Variants in MAML2 observed in about 807,000 individuals in gnomAD.
The protein encoded by MAML2 is mastermind like transcriptional coactivator 2, also known as mastermind-like protein 2.
In MAML2, 22 loss-of-function variants were observed where a neutral mutation model predicts 96.1. The ratio of observed to expected loss-of-function variants is 0.23; its 90% CI spans 0.16 to 0.33. The LOEUF (loss-of-function observed/expected upper bound fraction) is 0.33. Among genes scored for constraint, MAML2 ranks in the 10% least tolerant of loss-of-function variants. The probability of loss-of-function intolerance (pLI) is 1.00; values close to 1 mark genes in which losing one functional copy is unlikely to be tolerated. For missense variants in MAML2, 1,367 were observed against 1,392.4 expected (o/e 0.98, Z 0.29); for synonymous variants, 561 against 521.3 (o/e 1.08, Z -1.04).
At chr11:96,034,149 G>A (rs1858662080) in intron 2 of MAML2, among the ~76,000 whole-genome samples, 1 of 152,230 alleles carries the variant, frequency 6.6e-6, no homozygotes, top group East Asian at 1.9e-4. Context: ...CATTTAATGA[G>A]GTTTTAGTTG....
intron 1 of MAML2, among the ~76,000 whole-genome samples, chr11:96,258,920 G>A (rs772062135): frequency 6.6e-6 from 1 of 152,116 alleles, no homozygotes; most frequent in African/African-American, 2.4e-5. Context: ...ACAGGAAGCT[G>A]TAGAAGGGAG....
At chr11:96,185,137 C>T (rs748006066) in intron 1 of MAML2, among the ~76,000 whole-genome samples, 4 of 149,774 alleles carry the variant, frequency 2.7e-5, no homozygotes, top group South Asian at 4.2e-4. Flanking sequence ...AATGGTCCAC[C>T]GAGGCTGAGC....
chr11:95,984,412 G>A (rs1218098068), intron 4 of MAML2, among the ~76,000 whole-genome samples: 1 of 152,130 alleles, frequency 6.6e-6, no homozygotes, highest in Non-Finnish European at 1.5e-5. Flanking sequence ...GCTCTGAGGC[G>A]AAGTAATCTT....
At chr11:96,144,214 A>G (rs1440709865) in intron 1 of MAML2, among the ~76,000 whole-genome samples, 3 of 152,226 alleles carry the variant, frequency 2.0e-5, no homozygotes, top group South Asian at 2.1e-4. Flanking sequence ...CTGGGATCAC[A>G]TTGCTGGGAA....
At chr11:96,069,518 G>A (rs1339944058) in intron 2 of MAML2, among the ~76,000 whole-genome samples, 1 of 151,526 alleles carries the variant, frequency 6.6e-6, no homozygotes, top group East Asian at 2.0e-4. Context: ...TACAAAAAAA[G>A]TACACAAAAA....
Position 95,991,600 on chromosome 11 carries a change from C to T in MAML2, c.2263G>A (p.Gly755Arg). ...TGCCTCTGTAGAGTCTGCTTCTTTC[C>T]CATCAATTGCTGATTCAACAGTGAT... ...QQSLLNQQLM[G>R]KKQTLQRQIM... Residue 755 changes from glycine (G) to arginine (R), a missense_variant, in exon 3 of 5, where the codon GGA (glycine) becomes AGA (arginine). Coordinates refer to ENST00000524717, the MANE Select transcript of MAML2 (RefSeq NM_032427.4). 1 of 1,613,730 alleles carries T rather than the reference C, an allele frequency of 6.2e-7. No homozygotes were observed.
At chr11:95,980,840 A>G (rs1016790467) in intron 4 of MAML2, among the ~76,000 whole-genome samples, 28 of 152,174 alleles carry the variant, frequency 1.8e-4, no homozygotes, top group African/African-American at 6.8e-4. Context: ...AACTGATAGG[A>G]TATTGACAGA....
intron 1 of MAML2, among the ~76,000 whole-genome samples, chr11:96,250,626 A>T (rs1225142472): frequency 2.6e-5 from 4 of 152,206 alleles, no homozygotes; most frequent in Non-Finnish European, 4.4e-5. Flanking sequence ...GAATATATTG[A>T]TGTCACACCA....
At chr11:96,043,336 A>G (rs1394236781) in intron 2 of MAML2, among the ~76,000 whole-genome samples, 2 of 152,220 alleles carry the variant, frequency 1.3e-5, no homozygotes, top group African/African-American at 4.8e-5. Flanking sequence ...AGAAGGTCCA[A>G]TCCCCCTGTC....
intron 2 of MAML2, among the ~76,000 whole-genome samples, chr11:96,049,932 C>T (rs571254056): frequency 3.3e-5 from 5 of 152,254 alleles, no homozygotes; most frequent in Admixed American, 6.5e-5. Context: ...AGGGAAGTCA[C>T]GACTTCTCTG....
intron 1 of MAML2, among the ~76,000 whole-genome samples, chr11:96,175,911 A>G (rs1049404107): frequency 6.6e-6 from 1 of 152,142 alleles, no homozygotes; most frequent in Non-Finnish European, 1.5e-5. Context: ...CTTAAACCTC[A>G]GTTCTATAAC....
intron 1 of MAML2, among the ~76,000 whole-genome samples, chr11:96,177,487 C>A (rs1430779845): frequency 6.6e-6 from 1 of 152,126 alleles, no homozygotes; most frequent in Admixed American, 6.5e-5. Flanking sequence ...GACAACCGTC[C>A]AAGTGACAGG....
At chr11:96,191,761 ACT>A (rs1674644108) in intron 1 of MAML2, among the ~76,000 whole-genome samples, 1 of 134,546 alleles carries the variant, frequency 7.4e-6, no homozygotes, top group South Asian at 2.4e-4. Context: ...ACAGAGCGAA[ACT>A]CTGTCTCAAA....
chr11:96,022,100 C>T (rs1026388851), intron 2 of MAML2, among the ~76,000 whole-genome samples: 1 of 152,206 alleles, frequency 6.6e-6, no homozygotes, highest in African/African-American at 2.4e-5. Context: ...CACCCTAGGG[C>T]TGGCTGGATC....
At chr11:96,097,171 G>A (rs979317106) in intron 1 of MAML2, among the ~76,000 whole-genome samples, 1 of 152,146 alleles carries the variant, frequency 6.6e-6, no homozygotes, top group Non-Finnish European at 1.5e-5. Flanking sequence ...TTATGGTATA[G>A]AGTCTCTCAA....
chr11:96,225,214 C>T (rs1204544910), intron 1 of MAML2, among the ~76,000 whole-genome samples: 1 of 152,202 alleles, frequency 6.6e-6, no homozygotes, highest in Non-Finnish European at 1.5e-5. Flanking sequence ...AACTTTGGAA[C>T]TAGGTCATAA....
In MAML2 at chr11:96,092,982, C is replaced by T; in HGVS notation, c.1049G>A (p.Arg350Lys). 1 of 1,613,866 alleles carries T rather than the reference C, an allele frequency of 6.2e-7. No individual in the cohort carries two copies. ...GGGTAAGGAGGGCCTAGGTGTGCTC[C>T]TCTGGCTTTGCTGACCCAAGTCAAT... is the stretch of plus-strand genomic sequence containing the variant. The part of the protein sequence containing the change: ...FNIDLGQQSQ[R>K]STPRPSLPME... Residue 350 changes from arginine (R) to lysine (K), a missense_variant, in exon 2 of 5, where the codon AGG becomes AAG. By Grantham distance (26) the Arg-to-Lys change is conservative. Transcript: ENST00000524717. The surrounding 1 kb of genome is among the most constrained non-coding windows in gnomAD (Gnocchi z 4.1).
intron 1 of MAML2, among the ~76,000 whole-genome samples, chr11:96,233,918 AGTG>A (rs940527728): frequency 2.8e-4 from 43 of 152,320 alleles, no homozygotes; most frequent in African/African-American, 1.0e-3. Context: ...GCTCAGAAGA[AGTG>A]GTGGCCAGGT....
intron 1 of MAML2, among the ~76,000 whole-genome samples, chr11:96,266,728 C>T (rs1489459214): frequency 6.6e-6 from 1 of 152,132 alleles, no homozygotes; most frequent in East Asian, 1.9e-4. Context: ...GACCTAGGTG[C>T]TTAAATGGTA....
Sources: allele counts gnomAD v4.1 joint callset (sites outside exome capture counted in the v4.1 genomes callset), GRCh38; gene constraint gnomAD v4.1.1; non-coding constraint Gnocchi (gnomAD v3.1); transcripts MANE v1.5; gene names NCBI Gene and HGNC (gene_info 2026-07-23, HGNC 2026-07-21).